CLDN10: variants seen among roughly 807,000 people sequenced by gnomAD.
CLDN10 encodes claudin-10.
In CLDN10, 15 loss-of-function variants were observed where a neutral mutation model predicts 22.9. The observed-to-expected ratio is 0.65, with a 90% CI of 0.44 to 1.01. The LOEUF (loss-of-function observed/expected upper bound fraction) is 1.01, where lower values mean the gene tolerates loss of function less well. CLDN10 is among the 50% of genes least tolerant of loss of function. The pLI, the probability that CLDN10 is intolerant of heterozygous loss-of-function variation, is 0.00. For missense variants in CLDN10, 247 were observed against 287.8 expected (o/e 0.86, Z 1.03); for synonymous variants, 114 against 111.4 (o/e 1.02, Z -0.15).
intron 1 of CLDN10, among the ~76,000 whole-genome samples, chr13:95,482,484 G>A (rs141282384): frequency 2.6e-4 from 39 of 152,252 alleles, no homozygotes; most frequent in Non-Finnish European, 5.0e-4. Flanking sequence ...TTTGGGGATA[G>A]ATGGGTCTTC....
At chr13:95,472,669 C>CAAA (rs35872345) in intron 1 of CLDN10, among the ~76,000 whole-genome samples, 34,736 of 105,408 alleles carry the variant, frequency 0.33, 5,507 homozygotes, top group Non-Finnish European at 0.44. Flanking sequence ...GACTCCGTCT[C>CAAA]AAAAAAAAAA....
At chr13:95,438,395 G>A (rs998484743) in intron 1 of CLDN10, among the ~76,000 whole-genome samples, 4 of 152,156 alleles carry the variant, frequency 2.6e-5, no homozygotes, top group Non-Finnish European at 4.4e-5. Context: ...ATGGGCCATC[G>A]TGCCCTGCCA....
intron 1 of CLDN10, among the ~76,000 whole-genome samples, chr13:95,491,075 C>T (rs2042867664): frequency 6.6e-6 from 1 of 152,050 alleles, no homozygotes; most frequent in African/African-American, 2.4e-5. Flanking sequence ...GAATAACTAC[C>T]CCTGCTCGCT....
At chr13:95,544,840 G>A (rs890507194) in intron 1 of CLDN10, among the ~76,000 whole-genome samples, 6 of 151,564 alleles carry the variant, frequency 4.0e-5, no homozygotes, top group Admixed American at 6.6e-5. Flanking sequence ...GCAGTGGTGC[G>A]ATCTCAGCTC....
rs1460897772 is a variant in CLDN10, at chr13:95,578,318, C to G, written c.*304C>G. The stretch of plus-strand genomic sequence containing the variant: ...GGTTCAAGAAGTATTCGTACTCTAG[C>G]CTTTTTAATCATTCATAGATAGAAG... On this transcript the variant is annotated 3_prime_UTR_variant, in exon 5 of 5. Transcript: ENST00000299339. 1 of 190,898 alleles carries G rather than the reference C, an allele frequency of 5.2e-6. No homozygotes were observed. The highest frequency in any genetic ancestry group is 1.1e-5 in the Non-Finnish European group (1 of 93,036). 11.8% of individuals were successfully genotyped at this position (190,898 alleles called of 1,614,324 possible).
At chr13:95,456,081 CA>C (rs1294325576) in intron 1 of CLDN10, among the ~76,000 whole-genome samples, 1 of 152,204 alleles carries the variant, frequency 6.6e-6, no homozygotes, top group Non-Finnish European at 1.5e-5. Flanking sequence ...ATGACTGCAT[CA>C]GGCCAGAGGC....
At chr13:95,563,921 C>T (rs868257245) in intron 3 of CLDN10, among the ~76,000 whole-genome samples, 6 of 152,158 alleles carry the variant, frequency 3.9e-5, no homozygotes, top group African/African-American at 1.4e-4. Flanking sequence ...GAACTGATTT[C>T]CTAGCTCTCA....
intron 1 of CLDN10, among the ~76,000 whole-genome samples, chr13:95,493,653 G>A (rs1464923280): frequency 3.3e-5 from 5 of 150,486 alleles, no homozygotes; most frequent in Non-Finnish European, 5.9e-5. Flanking sequence ...TCCACCTTCC[G>A]GGTTCAAGAG....
At chr13:95,446,740 G>T (rs1430177355) in intron 1 of CLDN10, among the ~76,000 whole-genome samples, 1 of 152,148 alleles carries the variant, frequency 6.6e-6, no homozygotes. Flanking sequence ...TATTTGGGAG[G>T]CTGAGGCAGG....
At chr13:95,439,273 A>C (rs1352756743) in intron 1 of CLDN10, among the ~76,000 whole-genome samples, 2 of 151,968 alleles carry the variant, frequency 1.3e-5, no homozygotes, top group African/African-American at 2.4e-5. Flanking sequence ...GGGCCCATAG[A>C]CGGCACCTTC....
At chr13:95,485,091 C>T (rs971102037) in intron 1 of CLDN10, among the ~76,000 whole-genome samples, 66 of 152,022 alleles carry the variant, frequency 4.3e-4, no homozygotes, top group African/African-American at 1.3e-3. Flanking sequence ...CAGGGAAGGA[C>T]GACACTGCCC....
chr13:95,551,981 AG>A (rs2043571144), upstream of CLDN10, among the ~76,000 whole-genome samples: 1 of 152,248 alleles, frequency 6.6e-6, no homozygotes, highest in Non-Finnish European at 1.5e-5. Context: ...AGGGACCTAC[AG>A]GGAAAATGTG....
intron 1 of CLDN10, among the ~76,000 whole-genome samples, chr13:95,488,395 G>A (rs138855991): frequency 1.2e-3 from 188 of 151,866 alleles, no homozygotes; most frequent in African/African-American, 4.4e-3. Context: ...AAGTTATTGG[G>A]GTACAGGTGG....
At chr13:95,492,991 C>T (rs1226185679) in intron 1 of CLDN10, among the ~76,000 whole-genome samples, 1 of 152,216 alleles carries the variant, frequency 6.6e-6, no homozygotes, top group Non-Finnish European at 1.5e-5. Flanking sequence ...CCCTTTCCCA[C>T]TTCCGCAGTT....
At chr13:95,439,465 CG>C (rs916591602) in intron 1 of CLDN10, among the ~76,000 whole-genome samples, 24 of 151,894 alleles carry the variant, frequency 1.6e-4, no homozygotes, top group African/African-American at 5.3e-4. Flanking sequence ...TCCCAAGTAG[CG>C]GGGACTACAG....
intron 1 of CLDN10, among the ~76,000 whole-genome samples, chr13:95,504,458 C>T (rs1370516302): frequency 1.3e-5 from 2 of 152,168 alleles, no homozygotes; most frequent in East Asian, 3.9e-4. Flanking sequence ...CAGCTCACTA[C>T]AACCTCCACC....
intron 1 of CLDN10, among the ~76,000 whole-genome samples, chr13:95,444,332 A>C (rs1055678207): frequency 6.6e-6 from 1 of 152,258 alleles, no homozygotes; most frequent in Non-Finnish European, 1.5e-5. Flanking sequence ...TGCAGAAGGC[A>C]GCAGGTCTAC....
At chr13:95,569,076 A>G (rs1256588571) in intron 3 of CLDN10, among the ~76,000 whole-genome samples, 3 of 152,320 alleles carry the variant, frequency 2.0e-5, no homozygotes, top group Middle Eastern at 3.4e-3. Flanking sequence ...ATGCTAGTTC[A>G]TAGTAAACAC....
intron 1 of CLDN10, among the ~76,000 whole-genome samples, chr13:95,523,954 G>A (rs2043248637): frequency 2.0e-5 from 3 of 152,070 alleles, no homozygotes; most frequent in Admixed American, 2.0e-4. Flanking sequence ...ACCTTGGTTG[G>A]GAACAACTGG....
Sources: gnomAD v4.1 joint callset for allele counts (sites outside exome capture counted in the v4.1 genomes callset) on GRCh38, gnomAD v4.1.1 for gene constraint, MANE v1.5 for transcripts, NCBI Gene and HGNC (gene_info 2026-07-23, HGNC 2026-07-21) for gene names.